Variants in GIPC1 observed in about 807,000 individuals in gnomAD.
GIPC1 encodes the protein PDZ domain-containing protein GIPC1.
In GIPC1, 15 loss-of-function variants were observed where a neutral mutation model predicts 28.5. That is an observed-to-expected ratio of 0.53 (90% CI 0.35 to 0.81). The LOEUF (loss-of-function observed/expected upper bound fraction) is 0.81. Among genes scored for constraint, GIPC1 ranks in the 30% least tolerant of loss-of-function variants. The probability of loss-of-function intolerance (pLI) is 0.01; values close to 1 mark genes in which losing one functional copy is unlikely to be tolerated. For synonymous variants in GIPC1, 224 were observed against 206.1 expected (o/e 1.09, Z -0.74); for missense variants, 439 against 481.9 (o/e 0.91, Z 0.83).
chr19:14,488,511 T>C (rs1445861617), intron 3 of GIPC1, among the ~76,000 whole-genome samples: 1 of 151,574 alleles, frequency 6.6e-6, no homozygotes, highest in Non-Finnish European at 1.5e-5. Context: ...CCCAGCACTT[T>C]GGAAGGCCAA....
intron 3 of GIPC1, among the ~76,000 whole-genome samples, chr19:14,484,400 C>T (rs935694481): frequency 2.0e-5 from 3 of 151,208 alleles, no homozygotes; most frequent in Non-Finnish European, 2.9e-5. Context: ...CCTCCCAAAG[C>T]GCTGGGATTA....
intron 4 of GIPC1, 93 bp from the exon 5 acceptor site, chr19:14,480,871 T>G (rs2071715022): frequency 1.1e-6 from 1 of 908,456 alleles, no homozygotes; most frequent in East Asian, 2.5e-5. Flanking sequence ...GGGAGAGGAC[T>G]AGGGGGATTC....
chr19:14,493,439 C>A (rs2072011418), intron 1 of GIPC1, among the ~76,000 whole-genome samples: 1 of 151,920 alleles, frequency 6.6e-6, no homozygotes, highest in African/African-American at 2.4e-5. Flanking sequence ...GCCTAAAGAC[C>A]TTGGCCTTGC....
At chr19:14,485,738 G>GAC (rs1312985129) in intron 3 of GIPC1, among the ~76,000 whole-genome samples, 2,064 of 141,604 alleles carry the variant, frequency 0.015, 35 homozygotes, top group Middle Eastern at 0.033. Context: ...GAGAGAGAGA[G>GAC]AGACAGAGAG....
intron 3 of GIPC1, among the ~76,000 whole-genome samples, chr19:14,488,672 G>A (rs1344596675): frequency 6.6e-6 from 1 of 151,224 alleles, no homozygotes; most frequent in Non-Finnish European, 1.5e-5. Context: ...GGGCGTAGTG[G>A]TGCATGCTTG....
chr19:14,486,021 C>T (rs977217126), intron 3 of GIPC1, among the ~76,000 whole-genome samples: 3 of 152,090 alleles, frequency 2.0e-5, no homozygotes, highest in African/African-American at 7.2e-5. Flanking sequence ...CCGCCTGCCT[C>T]GGCCTCCCAA....
chr19:14,480,163 G>A, intron 6 of GIPC1, 142 bp downstream of exon 6: 1 of 683,934 alleles, frequency 1.5e-6, no homozygotes, highest in Non-Finnish European at 2.5e-6. Context: ...GGGGTCGGGA[G>A]GAGCTGCAAC....
At chr19:14,489,610 T>G in intron 3 of GIPC1, 1 of 1,123,016 alleles carries the variant, frequency 8.9e-7, no homozygotes. Context: ...AGCCTTGGAA[T>G]GAGTATAAAT....
chr19:14,489,247 C>T (rs2071911401), intron 3 of GIPC1: 1 of 631,754 alleles, frequency 1.6e-6, no homozygotes, highest in African/African-American at 1.8e-5. Context: ...TAAGGTTTGC[C>T]CCATTGAAAC....
At chr19:14,488,218 A>G (rs1363962748) in intron 3 of GIPC1, among the ~76,000 whole-genome samples, 2 of 152,106 alleles carry the variant, frequency 1.3e-5, no homozygotes, top group Non-Finnish European at 2.9e-5. Flanking sequence ...TGGGAGGTTG[A>G]GGTTGACGGA....
Position 14,478,332 on chromosome 19 carries a change from G to A in GIPC1, c.*84C>T. Reference sequence around the variant, plus strand: ...GCTGCTGAGCTAGGCTCAGGCTGGAGGCTCGGGTCCTGACGTCAGTGTCCC... The same window carrying A: ...GCTGCTGAGCTAGGCTCAGGCTGGAAGCTCGGGTCCTGACGTCAGTGTCCC... On this transcript the variant is annotated 3_prime_UTR_variant, in exon 9 of 9. Transcript: ENST00000393033. The surrounding 1 kb of genome is among the most constrained non-coding windows in gnomAD (Gnocchi z 5.2). 1.4e-6 allele frequency: 2 copies of A among 1,383,916 alleles called. No homozygotes were observed. The highest frequency in any genetic ancestry group is 1.4e-5 in the South Asian group (1 of 73,490). 85.7% of individuals were successfully genotyped at this position (1,383,916 alleles called of 1,614,324 possible).
rs956624011 is a variant in GIPC1, at chr19:14,492,924, G to C, written c.-174-12C>G. On this transcript the variant is annotated splice_polypyrimidine_tract_variant and intron_variant, in intron 1 of 8. Coordinates refer to ENST00000393033, the MANE Select transcript of GIPC1 (RefSeq NM_005716.4). ...CTCAGTTTCTTCATCTGAAAAATGG[G>C]TGGAATTCCTGTCACTCTCAAGGTG... 2 of 152,284 alleles carry C rather than the reference G, an allele frequency of 1.3e-5. No individual in the cohort carries two copies. Among genetic ancestry groups the C allele is most frequent in the Non-Finnish European group, 2.9e-5 (2 of 68,098 alleles). 9.4% of individuals were successfully genotyped at this position (152,284 alleles called of 1,614,324 possible).
At chr19:14,483,030 A>C in intron 3 of GIPC1, 24 bp from the exon 4 acceptor site, 26 of 1,560,314 alleles carry the variant, frequency 1.7e-5, no homozygotes, top group Non-Finnish European at 2.1e-5. Context: ...AGTGGGGCTC[A>C]GGGCCTGGGC....
At chr19:14,490,101 C>G (rs1365839825) in intron 3 of GIPC1, among the ~76,000 whole-genome samples, 1 of 152,286 alleles carries the variant, frequency 6.6e-6, no homozygotes, top group South Asian at 2.1e-4. Flanking sequence ...TGCAGTGGCT[C>G]ACACCTGTAA....
At chr19:14,479,825 T>C (rs1599346257) in intron 6 of GIPC1, 1 of 385,476 alleles carries the variant, frequency 2.6e-6, no homozygotes, top group Non-Finnish European at 4.7e-6. Flanking sequence ...TACCCCAGCC[T>C]GAGTCTCCAG....
At chr19:14,480,249 C>T in intron 6 of GIPC1, 56 bp downstream of exon 6, 2 of 1,493,726 alleles carry the variant, frequency 1.3e-6, no homozygotes, top group Non-Finnish European at 1.8e-6. Context: ...CCCGGCACCA[C>T]CGCCTGCGCC....
rs1319289512 is a variant in GIPC1 at position 14,479,042 on chromosome 19, C to T, written c.769-277G>A. ...CCCCTCAGCTAACAGGTAATGCTGC[C>T]GGTTATGAAAAGGAAGGGAGGGCTG... On this transcript the variant is annotated intron_variant, in intron 7 of 8. Coordinates refer to ENST00000393033, the MANE Select transcript of GIPC1 (RefSeq NM_005716.4). Among the ~76,000 whole-genome samples, 6 of 151,938 alleles carry T rather than the reference C, an allele frequency of 3.9e-5. No individual in the cohort carries two copies. The South Asian group carries it at 6.2e-4, about 16-fold the overall frequency.
chr19:14,483,209 A>C (rs1290432897), intron 3 of GIPC1: 1 of 534,810 alleles, frequency 1.9e-6, no homozygotes, highest in East Asian at 3.3e-5. Flanking sequence ...TAATCCCACC[A>C]CTACGGAAGG....
intron 3 of GIPC1, among the ~76,000 whole-genome samples, chr19:14,485,738 G>GAGAGAGACAGAC (rs1555721833): frequency 1.8e-4 from 26 of 141,662 alleles, no homozygotes; most frequent in African/African-American, 6.9e-4. Flanking sequence ...GAGAGAGAGA[G>GAGAGAGACAGAC]AGACAGAGAG....
Sources: allele counts gnomAD v4.1 joint callset (sites outside exome capture counted in the v4.1 genomes callset), GRCh38; gene constraint gnomAD v4.1.1; non-coding constraint Gnocchi (gnomAD v3.1); transcripts MANE v1.5; gene names NCBI Gene and HGNC (gene_info 2026-07-23, HGNC 2026-07-21).